ZFP14: variants seen among roughly 807,000 people sequenced by gnomAD.
The protein encoded by ZFP14 is ZFP14 zinc finger protein.
A neutral mutation model predicts 54.5 loss-of-function variants in ZFP14; 22 were observed. That is an observed-to-expected ratio of 0.40 (90% confidence interval 0.29 to 0.58). The LOEUF is 0.58. Ranked by LOEUF, ZFP14 falls within the 20% of genes least tolerant of loss-of-function variation. The probability of loss-of-function intolerance (pLI) is 0.39; values close to 1 mark genes in which losing one functional copy is unlikely to be tolerated. For synonymous variants in ZFP14, 159 were observed against 204.0 expected, an observed-to-expected ratio of 0.78 and a Z score of 1.88; for missense variants, 470 against 637.8, an observed-to-expected ratio of 0.74 and a Z score of 2.83.
chr19:36,352,981 C>T (rs2031555486), intron 4 of ZFP14, among the ~76,000 whole-genome samples: 1 of 140,460 alleles, frequency 7.1e-6, no homozygotes, highest in Non-Finnish European at 1.6e-5. Flanking sequence ...TGGTGCGCAC[C>T]TGTAGTCCCA....
chr19:36,375,838 T>G (rs1361485191), intron 1 of ZFP14, among the ~76,000 whole-genome samples: 2 of 152,030 alleles, frequency 1.3e-5, no homozygotes, highest in Non-Finnish European at 2.9e-5. Flanking sequence ...ATTACAGGCG[T>G]GAGCCACCGC....
chr19:36,371,797 AT>A (rs2031880821), intron 1 of ZFP14, among the ~76,000 whole-genome samples: 1 of 152,020 alleles, frequency 6.6e-6, no homozygotes, highest in Non-Finnish European at 1.5e-5. Context: ...TCTACAAATA[AT>A]TTTTTAAAAA....
At position 36,362,250 on chromosome 19, in the gene ZFP14, A is replaced by G. The variant is rs1360158233; in HGVS notation, c.10-12T>C. The G allele has an allele frequency of 1.9e-6, 3 of 1,581,952 alleles. No individual in the cohort carries two copies. Among genetic ancestry groups the G allele is most frequent in the Middle Eastern group, 1.7e-4 (1 of 5,914 alleles). ...AATGTCACTGAACCCTGAAAAAACAAACTCAGGTATTACTTGTGAAAATAA... is the reference window on the plus strand; with the variant it reads ...AATGTCACTGAACCCTGAAAAAACAGACTCAGGTATTACTTGTGAAAATAA... On this transcript the variant is annotated splice_polypyrimidine_tract_variant and intron_variant, in intron 2 of 4. Transcript: ENST00000270001.
intron 4 of ZFP14, among the ~76,000 whole-genome samples, chr19:36,350,523 C>G (rs184257943): frequency 7.1e-6 from 1 of 140,924 alleles, no homozygotes; most frequent in Non-Finnish European, 1.6e-5. Flanking sequence ...ATCACTTGAG[C>G]CCAGGAGGGT....
Position 36,341,579 on chromosome 19 carries a change from T to C in ZFP14, c.247A>G (p.Arg83Gly). The C allele has an allele frequency of 6.4e-7, 1 of 1,563,864 alleles. No individual in the cohort carries two copies. Among genetic ancestry groups the C allele is most frequent in the Non-Finnish European group, 8.6e-7 (1 of 1,159,714 alleles). The change falls in exon 5 of 5, where the codon AGA (arginine) becomes GGA (glycine). Residue 83 changes from arginine to glycine, a missense_variant. Transcript: ENST00000270001. This position sits in a 1 kb window ranked among gnomAD's most constrained non-coding sequence, Gnocchi z 4.2. ...GGAGATAAAGTATTGGTCCTGTATC[T>C]GGACTCCAAATCTGAAAGAAAACAA... ...TRRYCPDLESRYRTNTLSPEK... is the reference protein window; with the variant it reads ...TRRYCPDLESGYRTNTLSPEK...
At chr19:36,362,361 GA>G in intron 2 of ZFP14, 123 bp from the exon 3 acceptor site, 1 of 1,028,266 alleles carries the variant, frequency 9.7e-7, no homozygotes, top group Non-Finnish European at 1.4e-6. Context: ...GCATTGGGCT[GA>G]AAACTTGTGA....
intron 4 of ZFP14, among the ~76,000 whole-genome samples, chr19:36,347,890 C>T (rs543250310): frequency 1.3e-5 from 2 of 151,974 alleles, no homozygotes; most frequent in African/African-American, 4.8e-5. Flanking sequence ...GTGAAACTGT[C>T]ATACTAAAAA....
intron 2 of ZFP14, chr19:36,362,800 C>A: frequency 3.4e-6 from 1 of 295,272 alleles, no homozygotes; most frequent in Non-Finnish European, 6.7e-6. Context: ...CATTTAAAAA[C>A]ATTGATAAAA....
chr19:36,373,911 CA>C (rs74174406), intron 1 of ZFP14, among the ~76,000 whole-genome samples: 109 of 93,314 alleles, frequency 1.2e-3, no homozygotes, highest in Non-Finnish European at 1.6e-3. Flanking sequence ...GACCCCATCT[CA>C]AAAAAAAAAA....
At chr19:36,358,472 G>A (rs146501899) in intron 4 of ZFP14, among the ~76,000 whole-genome samples, 391 of 152,128 alleles carry the variant, frequency 2.6e-3, no homozygotes, top group African/African-American at 5.6e-3. Flanking sequence ...TTATTACTTC[G>A]AATAGTTGTT....
chr19:36,342,867 C>T (rs1431132246), intron 4 of ZFP14, among the ~76,000 whole-genome samples: 1 of 152,166 alleles, frequency 6.6e-6, no homozygotes, highest in Non-Finnish European at 1.5e-5. Flanking sequence ...TATAAATATA[C>T]CTCCACTAAG....
At chr19:36,372,107 G>A (rs1182220532) in intron 1 of ZFP14, among the ~76,000 whole-genome samples, 2 of 150,556 alleles carry the variant, frequency 1.3e-5, no homozygotes, top group Admixed American at 6.7e-5. Context: ...GAGGAAGGAA[G>A]GAAGGAAGAA....
chr19:36,374,806 C>T (rs1336697599), intron 1 of ZFP14, among the ~76,000 whole-genome samples: 2 of 152,160 alleles, frequency 1.3e-5, no homozygotes, highest in Non-Finnish European at 1.5e-5. Context: ...CAACACGCAC[C>T]ACCACATTAA....
rs1332304575 is a variant in ZFP14, at chr19:36,340,265, A to T, written c.1561T>A (p.Ser521Thr). 6.2e-7 allele frequency: 1 copy of T among 1,608,150 alleles called. No individual in the cohort carries two copies. ...KECKKAFRQH[S>T]HLTQHQKIHN... ...ATCTTCTGATGCTGAGTAAGGTGTGAATGCTGTCTAAAGGCCTTCTTACAC... is the reference window on the plus strand; with the variant it reads ...ATCTTCTGATGCTGAGTAAGGTGTGTATGCTGTCTAAAGGCCTTCTTACAC... Residue 521 changes from serine (S) to threonine (T), a missense_variant, in exon 5 of 5, where the codon TCA (serine) becomes ACA (threonine). Ser to Thr is a moderately conservative substitution (Grantham distance 58). Transcript: ENST00000270001. This position sits in a 1 kb window ranked among gnomAD's most constrained non-coding sequence, Gnocchi z 5.4.
intron 4 of ZFP14, among the ~76,000 whole-genome samples, chr19:36,358,347 C>G (rs10439091): frequency 0.68 from 103,301 of 152,016 alleles, 35,385 homozygotes; most frequent in African/African-American, 0.76. Context: ...CTGACCTCAA[C>G]TGATCTGCCT....
intron 4 of ZFP14, 90 bp downstream of exon 4, chr19:36,360,345 C>T (rs143187205): frequency 8.8e-7 from 1 of 1,134,530 alleles, no homozygotes; most frequent in Admixed American, 2.5e-5. Context: ...GAAGAGAGAC[C>T]CCAACATCTC....
At chr19:36,376,624 A>G (rs2031966821) in intron 1 of ZFP14, among the ~76,000 whole-genome samples, 1 of 152,190 alleles carries the variant, frequency 6.6e-6, no homozygotes, top group Non-Finnish European at 1.5e-5. Flanking sequence ...AATTTACAAA[A>G]GGAGGGTACA....
intron 3 of ZFP14, among the ~76,000 whole-genome samples, chr19:36,361,696 G>A (rs2031714295): frequency 1.3e-5 from 2 of 152,138 alleles, no homozygotes; most frequent in Non-Finnish European, 2.9e-5. Context: ...CACCATGCCC[G>A]GCTATGAGTT....
At chr19:36,369,724 C>A (rs1259229150) in intron 1 of ZFP14, among the ~76,000 whole-genome samples, 3 of 152,116 alleles carry the variant, frequency 2.0e-5, no homozygotes, top group Non-Finnish European at 1.5e-5. Flanking sequence ...AAGCCAGTTT[C>A]TCTTTCAACT....
Sources: gnomAD v4.1 joint callset for allele counts (sites outside exome capture counted in the v4.1 genomes callset) on GRCh38, gnomAD v4.1.1 for gene constraint, Gnocchi (gnomAD v3.1) non-coding constraint, MANE v1.5 for transcripts, NCBI Gene and HGNC (gene_info 2026-07-23, HGNC 2026-07-21) for gene names.